CHFR: variants seen among roughly 807,000 people sequenced by gnomAD.
The protein encoded by CHFR is E3 ubiquitin-protein ligase CHFR.
In CHFR, 57 loss-of-function variants were observed where a neutral mutation model predicts 87.6. The ratio of observed to expected loss-of-function variants is 0.65; its 90% confidence interval spans 0.53 to 0.81. The LOEUF is 0.81. CHFR is among the 30% of genes least tolerant of loss of function. The pLI, the probability that CHFR is intolerant of heterozygous loss-of-function variation, is 0.00. For missense variants in CHFR, 797 were observed against 865.8 expected (o/e 0.92, Z 1.00); for synonymous variants, 381 against 359.2 (o/e 1.06, Z -0.69).
chr12:132,843,093 G>A lies in CHFR; in HGVS notation c.1844-10C>T, dbSNP rs1415213961. ...CGGGATGTTACGGCCACTGGAAAAA[G>A]AGAAGGGGTACGCATCTATGAGATG... On this transcript the variant is annotated splice_polypyrimidine_tract_variant and intron_variant, in intron 16 of 17. Coordinates refer to ENST00000450056, the MANE Select transcript of CHFR (RefSeq NM_001161346.2). 2 of 1,611,662 alleles carry A rather than the reference G, an allele frequency of 1.2e-6. No individual in the cohort carries two copies. Among genetic ancestry groups the A allele is most frequent in the South Asian group, 2.2e-5 (2 of 90,322 alleles).
At position 132,840,877 on chromosome 12, in the gene CHFR, G is replaced by A. The variant is rs1950694126; in HGVS notation, c.*677C>T. The A allele has an allele frequency of 2.6e-5, 4 of 152,512 alleles. No individual in the cohort carries two copies. The South Asian group carries it at 6.2e-4, about 24-fold the overall frequency. The allele number at this position is 152,512 out of a possible 1,614,324, so 9.4% of individuals were successfully genotyped here. On this transcript the variant is annotated 3_prime_UTR_variant, in exon 18 of 18. Transcript: ENST00000450056. ...GTTAGCAAGGAGCGACTAACTTGGC[G>A]GCCACGTCGAGGGTTAGCAGTTTTG...
chr12:132,886,846 G>A (rs1951906686), intron 2 of CHFR, among the ~76,000 whole-genome samples: 1 of 152,144 alleles, frequency 6.6e-6, no homozygotes, highest in Non-Finnish European at 1.5e-5. Context: ...TAAGAGTGTG[G>A]TGTTTCATGT....
rs373015296 is a variant in CHFR at position 132,847,137 on chromosome 12, C to T, written c.1648-7G>A. ...CTCTGGTTGCCAGGTAATTCTGTGA[C>T]GCAAAAAAAGAGAGGAATAAGAAAT... On this transcript the variant is annotated splice_polypyrimidine_tract_variant and splice_region_variant and intron_variant, in intron 14 of 17. Coordinates refer to ENST00000450056, the MANE Select transcript of CHFR (RefSeq NM_001161346.2). The T allele has an allele frequency of 2.2e-5, 36 of 1,609,426 alleles. No individual in the cohort carries two copies. Among genetic ancestry groups the T allele is most frequent in the African/African-American group, 2.2e-4 (16 of 74,326 alleles).
intron 5 of CHFR, among the ~76,000 whole-genome samples, 175 bp downstream of exon 5, chr12:132,870,549 A>AG (rs1377837517): frequency 1.3e-5 from 2 of 151,224 alleles, no homozygotes; most frequent in East Asian, 3.9e-4. Flanking sequence ...AAAAAAAAAA[A>AG]AATGGGAGAC....
chr12:132,867,790 G>C (rs1258211289), intron 6 of CHFR: 2 of 152,256 alleles, frequency 1.3e-5, no homozygotes, highest in East Asian at 3.9e-4. Flanking sequence ...AAAGCCGTGA[G>C]ACTTCACTGA....
At chr12:132,884,122 A>G (rs1251009589) in intron 2 of CHFR, among the ~76,000 whole-genome samples, 2 of 152,088 alleles carry the variant, frequency 1.3e-5, no homozygotes, top group East Asian at 1.9e-4. Flanking sequence ...TCCGTCTCAA[A>G]AAATAAATAT....
Position 132,857,563 on chromosome 12 carries a change from A to G in CHFR, c.912-4T>C. ...CGTGTGCATGCAGGGCTGCAAACTG[A>G]AAGTGCAAGAGGAACAGTGTCCAGA... On this transcript the variant is annotated splice_region_variant and splice_polypyrimidine_tract_variant and intron_variant, in intron 8 of 17. Coordinates refer to ENST00000450056, the MANE Select transcript of CHFR (RefSeq NM_001161346.2). 6.2e-7 allele frequency: 1 copy of G among 1,613,518 alleles called. No homozygotes were observed. The highest frequency in any genetic ancestry group is 8.5e-7 in the Non-Finnish European group (1 of 1,179,758).
chr12:132,866,368 CCAACACACCGGAATGTTGGAATGTTA>C (rs1951336678), intron 6 of CHFR: 1 of 151,946 alleles, frequency 6.6e-6, no homozygotes, highest in African/African-American at 2.4e-5. Context: ...TTACAACACA[CCAACACACCGGAATGTTGGAATGTTA>C]CAACAGACCG....
At position 132,869,657 on chromosome 12, in the gene CHFR, T is replaced by G. The variant is rs1166700448; in HGVS notation, c.545A>C (p.Glu182Ala). Residue 182 changes from glutamate to alanine, a missense_variant, in exon 6 of 18, where the codon GAG becomes GCG. This residue lies in a region of CHFR where 597 missense variants were observed against 601.2 expected (regional missense o/e 0.99). Coordinates refer to ENST00000450056, the MANE Select transcript of CHFR (RefSeq NM_001161346.2). ...ACGCTCTCGCCCTGCAGGAGAAGGC[T>G]CCGTGGAAGAGGCCGAGGCTGTGGG... ...LFPTASASST[E>A]PSPAGRERSS... The G allele has an allele frequency of 6.4e-7, 1 of 1,551,556 alleles. No homozygotes were observed. Among genetic ancestry groups the G allele is most frequent in the Admixed American group, 2.0e-5 (1 of 50,982 alleles).
chr12:132,873,960 C>A (rs1464728008), intron 3 of CHFR, among the ~76,000 whole-genome samples: 1 of 152,244 alleles, frequency 6.6e-6, no homozygotes, highest in Non-Finnish European at 1.5e-5. Context: ...GACCACACAG[C>A]CCTGCTTATG....
At chr12:132,867,545 A>G (rs1951372409) in intron 6 of CHFR, 1 of 152,258 alleles carries the variant, frequency 6.6e-6, no homozygotes, top group Non-Finnish European at 1.5e-5. Context: ...CAAAAACCTG[A>G]GCAAAAACAG....
rs1950657240 is a variant in CHFR at position 132,837,607 on chromosome 12, G to A, written c.*3947C>T. On this transcript the variant is annotated 3_prime_UTR_variant, in exon 18 of 18. Coordinates refer to ENST00000450056, the MANE Select transcript of CHFR (RefSeq NM_001161346.2). The stretch of plus-strand genomic sequence containing the variant: ...GTGTAACTCAATTCTAAGTGTAGAG[G>A]ATGCTTGAATAATGGCTGTCTACCA... 1 of 152,340 alleles carries A rather than the reference G, an allele frequency of 6.6e-6. No homozygotes were observed. The highest frequency in any genetic ancestry group is 2.4e-5 in the African/African-American group (1 of 41,454). The allele number at this position is 152,340 out of a possible 1,614,324, so 9.4% of individuals were successfully genotyped here. A position where few individuals can be genotyped will look rare whatever the true frequency, so the allele number is the denominator to read the frequency against.
intron 15 of CHFR, among the ~76,000 whole-genome samples, chr12:132,846,276 T>TTTG (rs1593448423): frequency 6.6e-6 from 1 of 150,736 alleles, no homozygotes; most frequent in East Asian, 2.0e-4. Flanking sequence ...TTTTTTTTTT[T>TTTG]TTTTGAGACG....
intron 11 of CHFR, among the ~76,000 whole-genome samples, chr12:132,852,693 G>A (rs1308740415): frequency 6.6e-6 from 1 of 152,246 alleles, no homozygotes; most frequent in Non-Finnish European, 1.5e-5. Flanking sequence ...CCAGGCTGGT[G>A]GATGGGCATC....
At chr12:132,864,637 C>T (rs1007380996) in intron 6 of CHFR, among the ~76,000 whole-genome samples, 2 of 151,890 alleles carry the variant, frequency 1.3e-5, no homozygotes, top group African/African-American at 4.8e-5. Context: ...TACAGGCGCC[C>T]GCAACCACAC....
chr12:132,848,140 T>G lies in CHFR; in HGVS notation c.1592A>C (p.Asp531Ala). 6.2e-7 allele frequency: 1 copy of G among 1,614,148 alleles called. No homozygotes were observed. The highest frequency in any genetic ancestry group is 2.2e-5 in the East Asian group (1 of 44,874). ...LAPFCELNLGDKCLDGVLNNN... is the reference protein window; with the variant it reads ...LAPFCELNLGAKCLDGVLNNN... ...GTTCAGCACGCCGTCCAGACACTTG[T>G]CACCCAGGTTGAGCTCTGCCGAGAT... The change falls in exon 14 of 18, where the codon GAC becomes GCC. Residue 531 changes from aspartate to alanine, a missense_variant. Physicochemically the swap from Asp to Ala is moderately radical, Grantham distance 126 (BLOSUM62 -2). Around this residue, in one of 2 missense-constraint regions of CHFR, gnomAD observed 200 missense variants for 264.6 expected, o/e 0.76. Transcript: ENST00000450056.
chr12:132,846,728 A>C (rs1950837749), intron 15 of CHFR, among the ~76,000 whole-genome samples: 1 of 152,150 alleles, frequency 6.6e-6, no homozygotes, highest in African/African-American at 2.4e-5. Flanking sequence ...TAAAAATACA[A>C]AATTAGCTGG....
intron 12 of CHFR, 94 bp from the exon 13 acceptor site, chr12:132,848,818 T>C: frequency 2.1e-6 from 2 of 943,536 alleles, no homozygotes; most frequent in Non-Finnish European, 3.3e-6. Flanking sequence ...CAACTCTTTC[T>C]GGAAACATTG....
Position 132,837,589 on chromosome 12 carries a change from T to C in CHFR, c.*3965A>G, listed in dbSNP as rs948946629. 1.3e-5 allele frequency: 2 copies of C among 152,372 alleles called. No homozygotes were observed. Among genetic ancestry groups the C allele is most frequent in the Non-Finnish European group, 2.9e-5 (2 of 68,174 alleles). The allele number at this position is 152,372 out of a possible 1,614,324, so 9.4% of individuals were successfully genotyped here. Reference sequence around the variant, plus strand: ...TCATCACCTTTGTTTTCAGTGTAACTCAATTCTAAGTGTAGAGGATGCTTG... The same window carrying C: ...TCATCACCTTTGTTTTCAGTGTAACCCAATTCTAAGTGTAGAGGATGCTTG... On this transcript the variant is annotated 3_prime_UTR_variant, in exon 18 of 18. Transcript: ENST00000450056.
Sources: allele counts gnomAD v4.1 joint callset (sites outside exome capture counted in the v4.1 genomes callset), GRCh38; gene constraint gnomAD v4.1.1; regional missense constraint gnomAD v4.1.1; transcripts MANE v1.5; gene names NCBI Gene and HGNC (gene_info 2026-07-23, HGNC 2026-07-21).